Variants in CLEC16A observed in about 807,000 individuals in gnomAD.
CLEC16A encodes the protein protein CLEC16A.
CLEC16A carries 51 observed loss-of-function variants against 109.5 expected under a neutral mutation model. That is an observed-to-expected ratio of 0.47 (90% CI 0.37 to 0.59). The LOEUF (loss-of-function observed/expected upper bound fraction) is 0.59. CLEC16A is among the 20% of genes least tolerant of loss of function. The pLI is 0.00. For synonymous variants in CLEC16A, 673 were observed against 564.2 expected (o/e 1.19, Z -2.73); for missense variants, 1,339 against 1,394.0 (o/e 0.96, Z 0.63).
At chr16:10,957,373 C>A (rs1471970424) in intron 1 of CLEC16A, among the ~76,000 whole-genome samples, 3 of 152,236 alleles carry the variant, frequency 2.0e-5, no homozygotes, top group East Asian at 3.8e-4. Flanking sequence ...CTGTATGTCC[C>A]CACTTGCTCT....
intron 19 of CLEC16A, among the ~76,000 whole-genome samples, chr16:11,064,784 TAAAAA>T (rs1007221178): frequency 1.6e-4 from 24 of 151,864 alleles, no homozygotes; most frequent in African/African-American, 5.8e-4. Context: ...TTCAAAAAAA[TAAAAA>T]CAAAACCAAA....
At chr16:10,975,570 C>T (rs74391397) in intron 7 of CLEC16A, among the ~76,000 whole-genome samples, 14,043 of 152,144 alleles carry the variant, frequency 0.092, 643 homozygotes, top group East Asian at 0.11. Flanking sequence ...AGGTCTCAGG[C>T]GCACGGTGGG....
At chr16:11,061,625 T>C (rs955263045) in intron 19 of CLEC16A, among the ~76,000 whole-genome samples, 3 of 152,238 alleles carry the variant, frequency 2.0e-5, no homozygotes, top group Non-Finnish European at 2.9e-5. Context: ...TTGTATAGCT[T>C]TCTCTTTCCT....
chr16:11,075,128 C>G (rs1597299023), intron 19 of CLEC16A, among the ~76,000 whole-genome samples: 1 of 152,214 alleles, frequency 6.6e-6, no homozygotes, highest in Admixed American at 6.5e-5. Flanking sequence ...TGAAGGCACT[C>G]TACAGTTGAA....
intron 1 of CLEC16A, among the ~76,000 whole-genome samples, chr16:10,950,118 G>A (rs1406321749): frequency 1.3e-5 from 2 of 152,190 alleles, no homozygotes; most frequent in Middle Eastern, 3.2e-3. Context: ...GCTCCTGTGC[G>A]TTCTTAAAGT....
intron 22 of CLEC16A, among the ~76,000 whole-genome samples, chr16:11,149,256 G>A (rs370759128): frequency 6.6e-6 from 1 of 152,114 alleles, no homozygotes; most frequent in Admixed American, 6.5e-5. Context: ...TAACAGGAAT[G>A]GATGGAACCG....
intron 12 of CLEC16A, 83 bp from the exon 13 acceptor site, chr16:11,024,738 T>C (rs2046313575): frequency 9.5e-7 from 1 of 1,056,852 alleles, no homozygotes; most frequent in Admixed American, 2.0e-5. Flanking sequence ...CAAAGGCAGC[T>C]AGCACCCCAT....
At chr16:11,008,551 C>G (rs1179474429) in intron 11 of CLEC16A, among the ~76,000 whole-genome samples, 1 of 152,070 alleles carries the variant, frequency 6.6e-6, no homozygotes, top group East Asian at 1.9e-4. Flanking sequence ...ACACCAGTGC[C>G]TCCCCACATA....
intron 5 of CLEC16A, chr16:10,971,656 A>G (rs544171697): frequency 2.8e-6 from 1 of 359,912 alleles, no homozygotes; most frequent in South Asian, 1.1e-4. Context: ...AGCAGGGGGC[A>G]ATGTTGTATT....
rs1189398337 is a variant in CLEC16A, at chr16:11,098,563, T to C, written c.2117-22052T>C. Among the ~76,000 whole-genome samples, 5 of 152,088 alleles carry C rather than the reference T, an allele frequency of 3.3e-5. No homozygotes were observed. The East Asian group carries it at 9.7e-4, about 29-fold the overall frequency. On this transcript the variant is annotated intron_variant, in intron 19 of 23. Coordinates refer to ENST00000409790, the MANE Select transcript of CLEC16A (RefSeq NM_015226.3). ...ATAATGGTATTTGGGATCTGACAAG[T>C]CTCCAAACCACTTGTCCATAGACCC...
At chr16:11,025,071 T>C (rs934586312) in intron 13 of CLEC16A, 150 bp downstream of exon 13, 1 of 612,274 alleles carries the variant, frequency 1.6e-6, no homozygotes, top group Non-Finnish European at 2.9e-6. Context: ...TGACTCCCGC[T>C]CCTCTTTAGC....
chr16:11,126,632 C>A (rs991474593), intron 22 of CLEC16A: 1 of 260,838 alleles, frequency 3.8e-6, no homozygotes. Context: ...CACAGCTCAT[C>A]TCTAACCCTG....
Position 11,019,925 on chromosome 16 carries a change from G to A in CLEC16A, c.1304-268G>A, listed in dbSNP as rs1210421749. 3.9e-5 allele frequency among the ~76,000 whole-genome samples: 6 copies of A among 152,158 alleles called. No individual in the cohort carries two copies. In the South Asian group the frequency reaches 8.3e-4, roughly 21 times the overall value. On this transcript the variant is annotated intron_variant, in intron 11 of 23. Transcript: ENST00000409790. Reference sequence around the variant, plus strand: ...GTAAAAAAGACGATTTTAAACTCTCGAAATAGAATAAATGATTGCAATTTG... The same window carrying A: ...GTAAAAAAGACGATTTTAAACTCTCAAAATAGAATAAATGATTGCAATTTG...
chr16:11,174,137 C>T lies in CLEC16A; in HGVS notation c.2807-4198C>T. 2.1e-6 allele frequency: 1 copy of T among 468,638 alleles called. No individual in the cohort carries two copies. Among genetic ancestry groups the T allele is most frequent in the Non-Finnish European group, 4.4e-6 (1 of 225,626 alleles). The allele number at this position is 468,638 out of a possible 1,614,324, so 29.0% of individuals were successfully genotyped here. On this transcript the variant is annotated intron_variant, in intron 23 of 23. Transcript: ENST00000409790. The surrounding 1 kb of genome is among the most constrained non-coding windows in gnomAD (Gnocchi z 4.7). ...GTTAAAGGCTTTCTATGATCTGTCGCTGTGTTTTCCCTCTAGTCAGGAGTG... is the reference window on the plus strand; with the variant it reads ...GTTAAAGGCTTTCTATGATCTGTCGTTGTGTTTTCCCTCTAGTCAGGAGTG...
chr16:11,105,823 G>A (rs1597397160), intron 19 of CLEC16A, among the ~76,000 whole-genome samples: 1 of 152,328 alleles, frequency 6.6e-6, no homozygotes, highest in South Asian at 2.1e-4. Context: ...GATAGTTGCT[G>A]AGTGAGCCAG....
chr16:10,956,309 T>C (rs1337333376), intron 1 of CLEC16A, among the ~76,000 whole-genome samples: 1 of 152,218 alleles, frequency 6.6e-6, no homozygotes, highest in Non-Finnish European at 1.5e-5. Context: ...CCCCTTTAAA[T>C]AGCAGATTGT....
At chr16:10,995,311 G>A (rs80199985) in intron 10 of CLEC16A, among the ~76,000 whole-genome samples, 4 of 152,216 alleles carry the variant, frequency 2.6e-5, no homozygotes, top group Non-Finnish European at 4.4e-5. Context: ...CTGAAACCAC[G>A]GTGGATGGGA....
intron 8 of CLEC16A, among the ~76,000 whole-genome samples, chr16:10,977,961 C>T (rs1315316011): frequency 6.6e-6 from 1 of 152,196 alleles, no homozygotes; most frequent in African/African-American, 2.4e-5. Context: ...AAACAGGAAA[C>T]ATCTACAAAT....
chr16:11,030,914 A>G (rs139863346), intron 13 of CLEC16A, among the ~76,000 whole-genome samples: 2 of 152,268 alleles, frequency 1.3e-5, no homozygotes, highest in East Asian at 3.9e-4. Context: ...AGAGTTCTTT[A>G]TGTATTTTGA....
Sources: gnomAD v4.1 joint callset for allele counts (sites outside exome capture counted in the v4.1 genomes callset) on GRCh38, gnomAD v4.1.1 for gene constraint, Gnocchi (gnomAD v3.1) non-coding constraint, MANE v1.5 for transcripts, NCBI Gene and HGNC (gene_info 2026-07-23, HGNC 2026-07-21) for gene names.